Variants in LAMC1 observed in about 807,000 individuals in gnomAD.
LAMC1 encodes laminin subunit gamma 1.
LAMC1 carries 38 observed loss-of-function variants against 173.6 expected under a neutral mutation model. That is an observed-to-expected ratio of 0.22 (90% confidence interval 0.17 to 0.29). The LOEUF (loss-of-function observed/expected upper bound fraction) is 0.29. LAMC1 is among the 10% of genes least tolerant of loss of function. The probability of loss-of-function intolerance (pLI) is 1.00; values close to 1 mark genes in which losing one functional copy is unlikely to be tolerated. For missense variants in LAMC1, 1,824 were observed against 2,051.8 expected, an observed-to-expected ratio of 0.89 and a Z score of 2.14; for synonymous variants, 746 against 749.1, an observed-to-expected ratio of 1.00 and a Z score of 0.07.
chr1:183,118,949 G>T (rs978533588), intron 11 of LAMC1, among the ~76,000 whole-genome samples: 6 of 151,690 alleles, frequency 4.0e-5, no homozygotes, highest in Non-Finnish European at 8.8e-5. Flanking sequence ...CCCAGGCTGT[G>T]GTGCAATAGC....
intron 11 of LAMC1, among the ~76,000 whole-genome samples, chr1:183,120,802 G>C (rs570171247): frequency 6.6e-6 from 1 of 152,168 alleles, no homozygotes; most frequent in South Asian, 2.1e-4. Context: ...CTGAGTATTA[G>C]AACTTTACTT....
rs555422639 is a variant in LAMC1, at chr1:183,053,219, T to C, written c.418+29085T>C. On this transcript the variant is annotated intron_variant, in intron 1 of 27. Coordinates refer to ENST00000258341, the MANE Select transcript of LAMC1 (RefSeq NM_002293.4). ...ACTTGGTTTCCGTGTCCATATTTAA[T>C]AGATCATATTTTCCCCAGATATTTT... Among the ~76,000 whole-genome samples, 4 of 152,354 alleles carry C rather than the reference T, an allele frequency of 2.6e-5. No homozygotes were observed. In the East Asian group the frequency reaches 7.7e-4, roughly 29 times the overall value.
intron 3 of LAMC1, among the ~76,000 whole-genome samples, chr1:183,110,185 A>G (rs1345469949): frequency 6.6e-6 from 1 of 152,192 alleles, no homozygotes; most frequent in African/African-American, 2.4e-5. Context: ...TTTCTGAACC[A>G]CTATATTCTG....
chr1:183,123,774 C>G (rs932405616), intron 13 of LAMC1, among the ~76,000 whole-genome samples: 2 of 152,178 alleles, frequency 1.3e-5, no homozygotes, highest in African/African-American at 2.4e-5. Flanking sequence ...GAGCAGAGAC[C>G]TTGTCCACCT....
intron 1 of LAMC1, among the ~76,000 whole-genome samples, chr1:183,099,066 G>A (rs1366707146): frequency 6.6e-6 from 1 of 151,952 alleles, no homozygotes; most frequent in Non-Finnish European, 1.5e-5. Context: ...GTGTCTGCCT[G>A]CTGTCTATTC....
chr1:183,111,175 C>T lies in LAMC1; in HGVS notation c.1021+521C>T, dbSNP rs148110144. ...GATCTCAACTCACTGCAACTTCCAC[C>T]TCCTGGGTTCAAGTGATTGTCTTGC... is the stretch of plus-strand genomic sequence containing the variant. On this transcript the variant is annotated intron_variant, in intron 4 of 27. Transcript: ENST00000258341. Among the ~76,000 whole-genome samples the T allele has an allele frequency of 7.3e-3, 1,115 of 152,014 alleles. 6 individuals are homozygous for T. Among genetic ancestry groups the T allele is most frequent in the Middle Eastern group, 0.027 (8 of 294 alleles).
intron 1 of LAMC1, among the ~76,000 whole-genome samples, chr1:183,070,089 G>A (rs1250495720): frequency 1.3e-5 from 2 of 152,210 alleles, no homozygotes; most frequent in African/African-American, 2.4e-5. Flanking sequence ...TGGCATGTGC[G>A]TGGAATTAGG....
In LAMC1 at chr1:183,136,450, C is replaced by T. The variant is rs1329563756; in HGVS notation, c.4179C>T (p.Ala1393=). 2.5e-6 allele frequency: 4 copies of T among 1,614,178 alleles called. No individual in the cohort carries two copies. The African/African-American group carries it at 4.0e-5, about 16-fold the overall frequency. ...AGGAGGCACTAAGGAAGATTCCTGC[C>T]ATCAACCAGACCATCACTGAAGCCA... ...AAEEALRKIP[A]INQTITEANE... Residue 1393 remains alanine (A), a synonymous_variant, in exon 25 of 28, where the codon GCC becomes GCT. Transcript: ENST00000258341.
intron 1 of LAMC1, among the ~76,000 whole-genome samples, chr1:183,089,859 A>G (rs908901910): frequency 1.3e-5 from 2 of 152,186 alleles, no homozygotes; most frequent in African/African-American, 4.8e-5. Context: ...CCAGCAGACC[A>G]GACTAAACTA....
intron 1 of LAMC1, among the ~76,000 whole-genome samples, chr1:183,068,885 T>G (rs1654941106): frequency 1.3e-5 from 2 of 151,858 alleles, no homozygotes; most frequent in Admixed American, 1.3e-4. Context: ...AAGGTTGCAG[T>G]GAGCCGAGAT....
intron 1 of LAMC1, among the ~76,000 whole-genome samples, chr1:183,025,925 G>C (rs1653674547): frequency 6.6e-6 from 1 of 152,184 alleles, no homozygotes; most frequent in Admixed American, 6.5e-5. Context: ...TTCAGAGGTA[G>C]ATAGATTACT....
chr1:183,113,332 C>G (rs1046220506), intron 4 of LAMC1, among the ~76,000 whole-genome samples: 1 of 152,006 alleles, frequency 6.6e-6, no homozygotes, highest in Non-Finnish European at 1.5e-5. Context: ...AAAATGTGTT[C>G]ATGATTTTGG....
chr1:183,123,357 T>A (rs2102093002), intron 13 of LAMC1, among the ~76,000 whole-genome samples: 1 of 152,256 alleles, frequency 6.6e-6, no homozygotes, highest in South Asian at 2.1e-4. Flanking sequence ...CTACAATGGC[T>A]CCAATCTCAA....
intron 22 of LAMC1, 77 bp downstream of exon 22, chr1:183,133,627 T>A: frequency 7.5e-7 from 1 of 1,329,668 alleles, no homozygotes; most frequent in Non-Finnish European, 1.0e-6. Context: ...GCTCTGCACC[T>A]CCCTCTGTCC....
chr1:183,129,510 G>T (rs1483040460), intron 18 of LAMC1, among the ~76,000 whole-genome samples: 4 of 151,548 alleles, frequency 2.6e-5, no homozygotes, highest in Admixed American at 2.0e-4. Flanking sequence ...TTCCAAGTTG[G>T]TTTTTTCCAA....
Position 183,130,476 on chromosome 1 carries a change from T to G in LAMC1, c.3413T>G (p.Val1138Gly). 1.2e-6 allele frequency: 2 copies of G among 1,614,142 alleles called. No individual in the cohort carries two copies. Among genetic ancestry groups the G allele is most frequent in the Non-Finnish European group, 1.7e-6 (2 of 1,179,992 alleles). Reference sequence around the variant, plus strand: ...TTGGCTGAACAAGCGCGTGCCCATGTAGAGAACACAGAGCGGTTGATTGAA... The same window carrying G: ...TTGGCTGAACAAGCGCGTGCCCATGGAGAGAACACAGAGCGGTTGATTGAA... Reference protein sequence around the residue: ...GNLAEQARAHVENTERLIEIA... With the variant: ...GNLAEQARAHGENTERLIEIA... Residue 1138 changes from valine to glycine, a missense_variant, in exon 19 of 28, where the codon GTA becomes GGA. Physicochemically the swap from Val to Gly is moderately radical, Grantham distance 109 (BLOSUM62 -3). Transcript: ENST00000258341.
At chr1:183,131,717 A>G (rs1656796260) in intron 20 of LAMC1, among the ~76,000 whole-genome samples, 4 of 152,332 alleles carry the variant, frequency 2.6e-5, no homozygotes, top group Middle Eastern at 3.4e-3. Context: ...TGTTGTTAAT[A>G]AAGATTAGGC....
In LAMC1 at chr1:183,131,324, G is replaced by C; in HGVS notation, c.3512G>C (p.Gly1171Ala). ...NVSVTQPEST[G>A]DPNNMTLLAE... ...TCAGTCACTCAGCCAGAATCTACAG[G>C]GGACCCAAACAACATGACTCTTTTG... The change falls in exon 20 of 28, where the codon GGG (glycine) becomes GCG (alanine). Residue 1171 changes from glycine (G) to alanine (A), a missense_variant. Gly to Ala is a moderately conservative substitution (Grantham distance 60). Coordinates refer to ENST00000258341, the MANE Select transcript of LAMC1 (RefSeq NM_002293.4). 1 of 1,613,846 alleles carries C rather than the reference G, an allele frequency of 6.2e-7. No individual in the cohort carries two copies. Among genetic ancestry groups the C allele is most frequent in the Non-Finnish European group, 8.5e-7 (1 of 1,179,876 alleles).
chr1:183,024,025 A>G lies in LAMC1; in HGVS notation c.309A>G (p.Ala103=), dbSNP rs767699320. ...DAGQPHLQHG[A]AFLTDYNNQA... ...GGCAGCCCCACCTGCAGCACGGGGC[A>G]GCCTTCCTGACCGACTACAACAACC... is the stretch of plus-strand genomic sequence containing the variant. Residue 103 remains alanine, a synonymous_variant, in exon 1 of 28, where the codon GCA becomes GCG. Coordinates refer to ENST00000258341, the MANE Select transcript of LAMC1 (RefSeq NM_002293.4). The G allele has an allele frequency of 2.2e-5, 36 of 1,612,976 alleles. No homozygotes were observed. Among genetic ancestry groups the G allele is most frequent in the Admixed American group, 3.3e-5 (2 of 59,952 alleles).
Sources: allele counts gnomAD v4.1 joint callset (sites outside exome capture counted in the v4.1 genomes callset), GRCh38; gene constraint gnomAD v4.1.1; transcripts MANE v1.5; gene names NCBI Gene and HGNC (gene_info 2026-07-23, HGNC 2026-07-21).